The following RAP1GDS1 variants were observed in gnomAD, a reference collection of about 807,000 sequenced individuals.
RAP1GDS1 encodes the protein Rap1 GTPase-GDP dissociation stimulator 1.
Under a neutral mutation model 71.1 loss-of-function variants are expected in RAP1GDS1, and 35 were observed. The observed-to-expected ratio is 0.49, with a 90% confidence interval of 0.38 to 0.65. The LOEUF (loss-of-function observed/expected upper bound fraction) is 0.65. Among genes scored for constraint, RAP1GDS1 ranks in the 30% least tolerant of loss-of-function variants. The pLI is 0.00. For missense variants in RAP1GDS1, 663 were observed against 706.1 expected (o/e 0.94, Z 0.69); for synonymous variants, 229 against 243.1 (o/e 0.94, Z 0.54).
intron 1 of RAP1GDS1, among the ~76,000 whole-genome samples, chr4:98,262,316 C>CA (rs1369862334): frequency 1.3e-5 from 2 of 152,224 alleles, no homozygotes; most frequent in Non-Finnish European, 2.9e-5. Context: ...ACCGAACTTA[C>CA]ATGGTAGTTA....
chr4:98,316,113 C>G (rs559060043), intron 2 of RAP1GDS1, among the ~76,000 whole-genome samples: 1 of 152,244 alleles, frequency 6.6e-6, no homozygotes, highest in African/African-American at 2.4e-5. Context: ...TGGCTAGATT[C>G]ATCCAGTGCT....
intron 1 of RAP1GDS1, among the ~76,000 whole-genome samples, chr4:98,268,182 G>A (rs538584637): frequency 6.6e-6 from 1 of 152,286 alleles, no homozygotes; most frequent in East Asian, 1.9e-4. Context: ...ATCAATAAAT[G>A]TGATACACCA....
At chr4:98,287,922 G>A (rs1206489455) in intron 1 of RAP1GDS1, among the ~76,000 whole-genome samples, 1 of 151,858 alleles carries the variant, frequency 6.6e-6, no homozygotes, top group African/African-American at 2.4e-5. Context: ...ATTCACATTA[G>A]TTTCATATTC....
intron 2 of RAP1GDS1, among the ~76,000 whole-genome samples, chr4:98,337,155 A>C (rs1031016613): frequency 6.6e-6 from 1 of 152,132 alleles, no homozygotes; most frequent in Non-Finnish European, 1.5e-5. Flanking sequence ...TTGGCCTCCC[A>C]AAGTGCTGAG....
chr4:98,430,699 T>C (rs1225925044), intron 12 of RAP1GDS1, among the ~76,000 whole-genome samples: 2 of 152,236 alleles, frequency 1.3e-5, no homozygotes, highest in East Asian at 3.8e-4. Context: ...GGACGTACTT[T>C]GGAAAAATGC....
chr4:98,389,310 T>C (rs1044051002), intron 5 of RAP1GDS1, among the ~76,000 whole-genome samples: 9 of 144,660 alleles, frequency 6.2e-5, no homozygotes, highest in East Asian at 1.9e-4. Flanking sequence ...TGTTTTTTTT[T>C]TCTCTCTCTC....
chr4:98,418,041 G>A (rs200689402), intron 9 of RAP1GDS1, among the ~76,000 whole-genome samples: 8 of 151,980 alleles, frequency 5.3e-5, no homozygotes, highest in African/African-American at 1.7e-4. Flanking sequence ...GAAATATACC[G>A]TGTCTAGGAA....
Position 98,442,016 on chromosome 4 carries a change from TTGGCTTTTCTAGATG to T in RAP1GDS1, c.1725_1739del (p.Leu575_Val580delinsPhe). 1 of 1,614,028 alleles carries T rather than the reference TTGGCTTTTCTAGATG, an allele frequency of 6.2e-7. No individual in the cohort carries two copies. The highest frequency in any genetic ancestry group is 8.5e-7 in the Non-Finnish European group (1 of 1,179,990). On this transcript the variant is annotated inframe_deletion, in exon 15 of 15. Coordinates refer to ENST00000408927, the MANE Select transcript of RAP1GDS1 (RefSeq NM_001100427.2). ...ATGTCTACACAAGGAAGTACAGGAT[TTGGCTTTTCTAGATG>T]TCGTATCCAAACTTCGCAGTCATGA...
chr4:98,292,821 A>G (rs565680508), intron 1 of RAP1GDS1, among the ~76,000 whole-genome samples: 7 of 152,120 alleles, frequency 4.6e-5, no homozygotes, highest in Admixed American at 1.3e-4. Flanking sequence ...AGAATCTGTG[A>G]TCTAGAGGAA....
chr4:98,424,127 C>G (rs1749276565), intron 12 of RAP1GDS1, among the ~76,000 whole-genome samples: 1 of 152,026 alleles, frequency 6.6e-6, no homozygotes, highest in Non-Finnish European at 1.5e-5. Flanking sequence ...AGAGCTAATT[C>G]CAAGTTTGGG....
intron 9 of RAP1GDS1, 80 bp downstream of exon 9, chr4:98,417,578 C>G: frequency 7.0e-7 from 1 of 1,423,022 alleles, no homozygotes. Context: ...TATACTAAAA[C>G]TGGAACAGTT....
intron 6 of RAP1GDS1, among the ~76,000 whole-genome samples, chr4:98,400,268 T>C (rs935790917): frequency 2.0e-5 from 3 of 152,062 alleles, no homozygotes; most frequent in African/African-American, 7.2e-5. Flanking sequence ...CACCCATGTT[T>C]ACTGCAGCAC....
intron 14 of RAP1GDS1, 24 bp downstream of exon 14, chr4:98,437,092 T>C: frequency 6.4e-7 from 1 of 1,568,862 alleles, no homozygotes; most frequent in Non-Finnish European, 8.6e-7. Context: ...TATCATTTGA[T>C]GTCCATAAAC....
chr4:98,288,892 G>A (rs1726470900), intron 1 of RAP1GDS1, among the ~76,000 whole-genome samples: 1 of 152,160 alleles, frequency 6.6e-6, no homozygotes, highest in African/African-American at 2.4e-5. Flanking sequence ...CAGCAGTGAA[G>A]AGAAGCATGA....
In RAP1GDS1 at chr4:98,303,628, A is replaced by AT. The variant is rs1301512580; in HGVS notation, c.112+10114dup. On this transcript the variant is annotated intron_variant, in intron 2 of 14. Transcript: ENST00000408927. ...GAAGAAAATAATAAGTAAATTAATA[A>AT]TAATATAATATAATATAATATAATA... is the stretch of plus-strand genomic sequence containing the variant. Among the ~76,000 whole-genome samples, 5 of 1,518 alleles carry AT rather than the reference A, an allele frequency of 3.3e-3. No individual in the cohort carries two copies. The Admixed American group carries it at 0.047, about 14-fold the overall frequency. The allele number at this position is 1,518 out of a possible 152,430, so 1.0% of individuals were successfully genotyped here. A position where few individuals can be genotyped will look rare whatever the true frequency, so the allele number is the denominator to read the frequency against.
intron 1 of RAP1GDS1, among the ~76,000 whole-genome samples, chr4:98,289,554 CAA>C (rs6148589): frequency 0.03 from 3,033 of 102,044 alleles, 43 homozygotes; most frequent in African/African-American, 0.093. Context: ...CTCTGGTAAA[CAA>C]AAAAAAAAAA....
At chr4:98,303,372 C>G (rs1176829005) in intron 2 of RAP1GDS1, among the ~76,000 whole-genome samples, 1 of 151,856 alleles carries the variant, frequency 6.6e-6, no homozygotes, top group Non-Finnish European at 1.5e-5. Context: ...AAAAAACATA[C>G]AAAATTTCAA....
At chr4:98,315,729 A>AT (rs945843423) in intron 2 of RAP1GDS1, among the ~76,000 whole-genome samples, 4 of 152,128 alleles carry the variant, frequency 2.6e-5, no homozygotes, top group African/African-American at 9.7e-5. Context: ...GCTAAACATG[A>AT]TTTTTACTTG....
rs1741605893 is a variant in RAP1GDS1, at chr4:98,379,149, A to G, written c.494A>G (p.Tyr165Cys). 6.3e-7 allele frequency: 1 copy of G among 1,596,208 alleles called. No homozygotes were observed. The highest frequency in any genetic ancestry group is 8.5e-7 in the Non-Finnish European group (1 of 1,173,680). Residue 165 changes from tyrosine to cysteine, a missense_variant, in exon 5 of 15, where the codon TAT becomes TGT. Tyr to Cys is a radical substitution (Grantham distance 194). Coordinates refer to ENST00000408927, the MANE Select transcript of RAP1GDS1 (RefSeq NM_001100427.2). ...LTVFCGMLMN[Y>C]SNENDSLQAQ... ...GTCTTTTGTGGCATGCTGATGAACT[A>G]TAGCAATGAGAATGGTAAACAAAAC... is the stretch of plus-strand genomic sequence containing the variant.
Sources: gnomAD v4.1 joint callset for allele counts (sites outside exome capture counted in the v4.1 genomes callset) on GRCh38, gnomAD v4.1.1 for gene constraint, MANE v1.5 for transcripts, NCBI Gene and HGNC (gene_info 2026-07-23, HGNC 2026-07-21) for gene names.